The following SGMS1 variants were observed in gnomAD, a reference collection of about 807,000 sequenced individuals.
SGMS1 encodes sphingomyelin synthase 1.
In SGMS1, 13 loss-of-function variants were observed where a neutral mutation model predicts 46.2. The ratio of observed to expected loss-of-function variants is 0.28; its 90% CI spans 0.18 to 0.45. SGMS1 has a LOEUF of 0.45. SGMS1 is among the 20% of genes least tolerant of loss of function. The pLI is 1.00. For synonymous variants in SGMS1, 203 were observed against 187.8 expected (o/e 1.08, Z -0.66); for missense variants, 324 against 519.9 (o/e 0.62, Z 3.66).
chr10:50,383,838 C>A (rs962649363), intron 6 of SGMS1, among the ~76,000 whole-genome samples: 1 of 152,120 alleles, frequency 6.6e-6, no homozygotes, highest in Admixed American at 6.5e-5. Flanking sequence ...GGGGCTTTGG[C>A]TCAGGGCTAG....
intron 1 of SGMS1, among the ~76,000 whole-genome samples, chr10:50,603,438 CCTT>C (rs1838666554): frequency 6.6e-6 from 1 of 152,200 alleles, no homozygotes; most frequent in Non-Finnish European, 1.5e-5. Flanking sequence ...ATCTGATACT[CCTT>C]CTCTTACTTA....
intron 6 of SGMS1, among the ~76,000 whole-genome samples, chr10:50,424,015 G>A (rs183997666): frequency 3.9e-5 from 6 of 152,250 alleles, no homozygotes; most frequent in South Asian, 2.1e-4. Context: ...CACTGAACGC[G>A]CAAAGAAACA....
intron 4 of SGMS1, 32 bp downstream of exon 4, chr10:50,466,858 A>G (rs1238586336): frequency 6.6e-6 from 1 of 152,262 alleles, no homozygotes; most frequent in Non-Finnish European, 1.5e-5. Context: ...CAAATTAAGC[A>G]TAAAAGGTAA....
chr10:50,308,237 A>G, intron 9 of SGMS1, 89 bp from the exon 10 acceptor site: 3 of 1,168,064 alleles, frequency 2.6e-6, no homozygotes, highest in Non-Finnish European at 3.6e-6. Context: ...TCTGAATCCA[A>G]TTACCTTGAG....
intron 5 of SGMS1, among the ~76,000 whole-genome samples, chr10:50,437,722 C>T (rs571400687): frequency 1.3e-5 from 2 of 152,330 alleles, no homozygotes; most frequent in Admixed American, 1.3e-4. Flanking sequence ...CTTAGCAAGA[C>T]ATCCTAAAAG....
intron 2 of SGMS1, among the ~76,000 whole-genome samples, chr10:50,577,549 G>A (rs763047375): frequency 2.3e-4 from 35 of 152,100 alleles, no homozygotes; most frequent in Admixed American, 3.9e-4. Flanking sequence ...CTGCAGTACT[G>A]TCCTTCCTCT....
At chr10:50,539,390 A>T (rs1372292575) in intron 2 of SGMS1, among the ~76,000 whole-genome samples, 1 of 152,208 alleles carries the variant, frequency 6.6e-6, no homozygotes, top group Non-Finnish European at 1.5e-5. Context: ...CTTTTATTGT[A>T]TAGTGTTGGC....
chr10:50,454,275 G>A (rs978269371), intron 5 of SGMS1, among the ~76,000 whole-genome samples: 1 of 152,058 alleles, frequency 6.6e-6, no homozygotes, highest in African/African-American at 2.4e-5. Flanking sequence ...TGAGTGGAGA[G>A]TAAAGTAAAG....
At chr10:50,444,133 T>C (rs1024206235) in intron 5 of SGMS1, among the ~76,000 whole-genome samples, 1 of 152,120 alleles carries the variant, frequency 6.6e-6, no homozygotes, top group African/African-American at 2.4e-5. Context: ...AAAACTAACA[T>C]GTCAATATAC....
intron 6 of SGMS1, among the ~76,000 whole-genome samples, chr10:50,408,463 A>AAC (rs1564905049): frequency 5.6e-4 from 85 of 151,442 alleles, no homozygotes; most frequent in African/African-American, 1.8e-3. Flanking sequence ...AAACAAAATA[A>AAC]AAACTTTTTT....
chr10:50,488,070 G>T (rs1837537541), intron 3 of SGMS1, among the ~76,000 whole-genome samples: 1 of 151,278 alleles, frequency 6.6e-6, no homozygotes, highest in East Asian at 1.9e-4. Context: ...CTGGAAAACA[G>T]TGGTGCGATC....
At chr10:50,311,640 T>C (rs1847254977) in intron 8 of SGMS1, among the ~76,000 whole-genome samples, 1 of 152,222 alleles carries the variant, frequency 6.6e-6, no homozygotes, top group South Asian at 2.1e-4. Context: ...TTTTCACAGT[T>C]AGCACTTTTT....
At chr10:50,522,100 C>T (rs1837862063) in intron 2 of SGMS1, among the ~76,000 whole-genome samples, 1 of 152,156 alleles carries the variant, frequency 6.6e-6, no homozygotes, top group South Asian at 2.1e-4. Context: ...CCATTCATTA[C>T]TCAGCATTAT....
chr10:50,596,330 C>A (rs141214266), intron 1 of SGMS1, among the ~76,000 whole-genome samples: 2,686 of 152,338 alleles, frequency 0.018, 79 homozygotes, highest in African/African-American at 0.061. Flanking sequence ...GCATTCACCA[C>A]AACACCTGGC....
At chr10:50,323,886 C>T (rs1226226856) in intron 8 of SGMS1, among the ~76,000 whole-genome samples, 1 of 152,182 alleles carries the variant, frequency 6.6e-6, no homozygotes, top group Non-Finnish European at 1.5e-5. Flanking sequence ...CAGCATTTTA[C>T]ACATTTATTA....
At position 50,400,396 on chromosome 10, in the gene SGMS1, CATATATATATATATATATATATAT is replaced by C. The variant is rs10524155; in HGVS notation, c.-232+33056_-232+33079del. 2.7e-3 allele frequency among the ~76,000 whole-genome samples: 263 copies of C among 98,764 alleles called. 5 individuals are homozygous for C. Among genetic ancestry groups the C allele is most frequent in the South Asian group, 5.0e-3 (13 of 2,624 alleles). 64.8% of individuals were successfully genotyped at this position (98,764 alleles called of 152,430 possible). On this transcript the variant is annotated intron_variant, in intron 6 of 10. Coordinates refer to ENST00000361781, the MANE Select transcript of SGMS1 (RefSeq NM_147156.4). ...ACAAGACCTATAGAACACATCCTGG[CATATATATATATATATATATATAT>C]ATATATATATATATATATATATATA...
At chr10:50,545,273 T>C (rs1386915158) in intron 2 of SGMS1, among the ~76,000 whole-genome samples, 1 of 152,212 alleles carries the variant, frequency 6.6e-6, no homozygotes, top group Non-Finnish European at 1.5e-5. Flanking sequence ...TTCAGGTTTC[T>C]AGAGGCAGTG....
chr10:50,329,632 T>C (rs535528857), intron 7 of SGMS1, among the ~76,000 whole-genome samples: 1 of 152,372 alleles, frequency 6.6e-6, no homozygotes, highest in African/African-American at 2.4e-5. Context: ...CTTAGAATTC[T>C]TATTCACTTA....
At position 50,538,547 on chromosome 10, in the gene SGMS1, C is replaced by T. The variant is rs115163878; in HGVS notation, c.-588-18626G>A. On this transcript the variant is annotated intron_variant, in intron 2 of 10. Transcript: ENST00000361781. ...TCCTTCATTAAGTGGGACCCTCCCA[C>T]TCCCAACTACTGAAAGGTATTTAGC... 7.9e-3 allele frequency among the ~76,000 whole-genome samples: 1,199 copies of T among 152,104 alleles called. 15 individuals carry two copies. The highest frequency in any genetic ancestry group is 0.027 in the African/African-American group (1,135 of 41,474).
Sources: allele counts gnomAD v4.1 joint callset (sites outside exome capture counted in the v4.1 genomes callset), GRCh38; gene constraint gnomAD v4.1.1; transcripts MANE v1.5; gene names NCBI Gene and HGNC (gene_info 2026-07-23, HGNC 2026-07-21).